DCAF8L2: variants seen among roughly 807,000 people sequenced by gnomAD.
DCAF8L2 encodes the protein DDB1- and CUL4-associated factor 8-like protein 2.
For missense variants in DCAF8L2, 430 were observed against 490.7 expected (o/e 0.88, Z 1.17); for synonymous variants, 200 against 190.9 (o/e 1.05, Z -0.39).
chrX:27,573,405 C>G, the DCAF8L2 span, among the ~76,000 whole-genome samples: 1 of 110,938 alleles, frequency 9.0e-6, no homozygotes, highest in African/African-American at 3.3e-5. Context: ...GAGAGTATTT[C>G]TGGTAGAATG....
intron 4 of DCAF8L2, among the ~76,000 whole-genome samples, chrX:27,738,978 T>C (rs776561225): frequency 5.4e-5 from 6 of 111,316 alleles, no homozygotes; most frequent in East Asian, 5.7e-4. Context: ...CACCTGTGCG[T>C]TGAATCCTGT....
chrX:27,640,950 C>A (rs1188196801), intron 2 of DCAF8L2, among the ~76,000 whole-genome samples: 1 of 111,300 alleles, frequency 9.0e-6, no homozygotes, highest in Admixed American at 9.6e-5. Flanking sequence ...AACAGTCTGC[C>A]TTCAATTAAT....
intron 1 of DCAF8L2, among the ~76,000 whole-genome samples, chrX:27,624,095 A>T (rs973198256): frequency 8.9e-6 from 1 of 112,033 alleles, no homozygotes; most frequent in Non-Finnish European, 1.9e-5. Context: ...CTAAGGAATT[A>T]GAATTGTCAG....
At chrX:27,485,945 T>TTTTTTTTTTTTTTTTTTTA in the DCAF8L2 span, among the ~76,000 whole-genome samples, 1 of 93,932 alleles carries the variant, frequency 1.1e-5, no homozygotes, top group African/African-American at 4.4e-5. Flanking sequence ...TTTTTTTTTT[T>TTTTTTTTTTTTTTTTTTTA]GTGGTAGAAA....
the DCAF8L2 span, among the ~76,000 whole-genome samples, chrX:27,512,562 C>T: frequency 1.9e-5 from 2 of 104,633 alleles, no homozygotes; most frequent in Non-Finnish European, 3.9e-5. Context: ...TGGGCACCTG[C>T]GATTCCAGCT....
the DCAF8L2 span, among the ~76,000 whole-genome samples, chrX:27,522,409 A>T: frequency 8.9e-6 from 1 of 111,746 alleles, no homozygotes; most frequent in Non-Finnish European, 1.9e-5. Context: ...ATTTTGTCAT[A>T]CTTTATTGCT....
intron 1 of DCAF8L2, among the ~76,000 whole-genome samples, chrX:27,593,474 T>C (rs221374): frequency 0.25 from 27,136 of 110,266 alleles, 4,188 homozygotes; most frequent in African/African-American, 0.58. Context: ...TATTCAGACA[T>C]CTGGGTTGCT....
intron 1 of DCAF8L2, among the ~76,000 whole-genome samples, chrX:27,603,775 G>T (rs901894578): frequency 6.3e-5 from 7 of 111,837 alleles, no homozygotes; most frequent in African/African-American, 1.3e-4. Flanking sequence ...TGTGTTATCA[G>T]TTGGGGACTT....
chrX:27,658,062 T>C (rs1006060146), intron 2 of DCAF8L2, among the ~76,000 whole-genome samples: 6 of 112,835 alleles, frequency 5.3e-5, no homozygotes, highest in African/African-American at 1.6e-4. Context: ...AATATGTGTA[T>C]GTTTGTGTTG....
At chrX:27,533,466 T>C in the DCAF8L2 span, among the ~76,000 whole-genome samples, 1 of 111,464 alleles carries the variant, frequency 9.0e-6, no homozygotes, top group African/African-American at 3.3e-5. Flanking sequence ...TGGGGAAATG[T>C]ATTTACATAG....
intron 2 of DCAF8L2, among the ~76,000 whole-genome samples, chrX:27,649,349 G>A (rs143196410): frequency 0.017 from 1,883 of 111,987 alleles, 50 homozygotes; most frequent in African/African-American, 0.058. Flanking sequence ...TGAGTCAAAT[G>A]GTAGTTCTGT....
intron 1 of DCAF8L2, among the ~76,000 whole-genome samples, chrX:27,625,845 T>C (rs746568529): frequency 1.8e-5 from 2 of 110,167 alleles, no homozygotes; most frequent in East Asian, 5.7e-4. Context: ...ACAATAGACA[T>C]CTGAGCCTAT....
At chrX:27,547,714 C>G in the DCAF8L2 span, among the ~76,000 whole-genome samples, 1 of 111,280 alleles carries the variant, frequency 9.0e-6, no homozygotes, top group Non-Finnish European at 1.9e-5. Context: ...TCTCTTCCCT[C>G]TCTTGACATG....
the DCAF8L2 span, among the ~76,000 whole-genome samples, chrX:27,512,252 CAG>C: frequency 9.0e-6 from 1 of 111,272 alleles, no homozygotes; most frequent in Admixed American, 9.6e-5. Flanking sequence ...CCATAGGTGG[CAG>C]AGTGAGATAC....
At chrX:27,548,144 A>G in the DCAF8L2 span, among the ~76,000 whole-genome samples, 1 of 110,399 alleles carries the variant, frequency 9.1e-6, no homozygotes, top group African/African-American at 3.3e-5. Flanking sequence ...GAATTGACAG[A>G]CTTCATAAAG....
intron 1 of DCAF8L2, among the ~76,000 whole-genome samples, chrX:27,611,778 CT>C (rs1436383955): frequency 1.8e-5 from 2 of 110,844 alleles, no homozygotes; most frequent in Non-Finnish European, 3.8e-5. Context: ...TGAAGTCATC[CT>C]TTTTTATGGC....
At chrX:27,725,576 ATATAT>A (rs1470274637) in intron 4 of DCAF8L2, among the ~76,000 whole-genome samples, 1 of 110,555 alleles carries the variant, frequency 9.0e-6, no homozygotes, top group Non-Finnish European at 1.9e-5. Flanking sequence ...TAAAATATAA[ATATAT>A]TATGTTTTAT....
At chrX:27,671,249 T>C (rs1231196298) in intron 2 of DCAF8L2, among the ~76,000 whole-genome samples, 2 of 112,212 alleles carry the variant, frequency 1.8e-5, no homozygotes, top group East Asian at 2.8e-4. Flanking sequence ...TGAGTACCTT[T>C]CTACATACAG....
At chrX:27,475,504 A>G in the DCAF8L2 span, among the ~76,000 whole-genome samples, 3 of 111,667 alleles carry the variant, frequency 2.7e-5, no homozygotes, top group African/African-American at 6.5e-5. Context: ...CTAAGCAATC[A>G]TATTGGGCTT....
Sources: gnomAD v4.1 joint callset for allele counts (sites outside exome capture counted in the v4.1 genomes callset) on GRCh38, gnomAD v4.1.1 for gene constraint, MANE v1.5 for transcripts, NCBI Gene and HGNC (gene_info 2026-07-23, HGNC 2026-07-21) for gene names.